The following KANSL3 variants were observed in gnomAD, a reference collection of about 807,000 sequenced individuals.
KANSL3 encodes KAT8 regulatory NSL complex subunit 3, also known as NSL complex protein NSL3.
A neutral mutation model predicts 89.2 loss-of-function variants in KANSL3; 16 were observed. The observed-to-expected ratio is 0.18, with a 90% CI of 0.12 to 0.27. The LOEUF (loss-of-function observed/expected upper bound fraction) is 0.27, where lower values mean the gene tolerates loss of function less well. KANSL3 is among the 10% of genes least tolerant of loss of function. KANSL3 has a pLI of 1.00. For synonymous variants in KANSL3, 385 were observed against 419.7 expected, an observed-to-expected ratio of 0.92 and a Z score of 1.01; for missense variants, 879 against 1,110.6, an observed-to-expected ratio of 0.79 and a Z score of 2.96.
chr2:96,633,486 G>A (rs926411619), intron 2 of KANSL3, among the ~76,000 whole-genome samples: 13 of 151,356 alleles, frequency 8.6e-5, no homozygotes, highest in African/African-American at 1.5e-4. Context: ...GGAGAATGGC[G>A]TGAACCCGGG....
At position 96,604,317 on chromosome 2, in the gene KANSL3, A is replaced by G; in HGVS notation, c.2082T>C (p.Thr694=). 1 of 1,613,482 alleles carries G rather than the reference A, an allele frequency of 6.2e-7. No homozygotes were observed. The highest frequency in any genetic ancestry group is 8.5e-7 in the Non-Finnish European group (1 of 1,179,880). The change falls in exon 17 of 21, where the codon ACT becomes ACC. Residue 694 remains threonine, a synonymous_variant. Transcript: ENST00000431828. ...SPVPSVVSSS[T]APSALHTLQS... ...GCAGTGTGTGCAAGGCACTGGGTGC[A>G]GTGCTGCTGGAGACCACTGAAGGGA...
Position 96,612,960 on chromosome 2 carries a change from A to C in KANSL3, c.796-26T>G, listed in dbSNP as rs1200428363. The C allele has an allele frequency of 6.2e-6, 9 of 1,455,218 alleles. No homozygotes were observed. In the Admixed American group the frequency reaches 1.4e-4, roughly 22 times the overall value. 90.1% of individuals were successfully genotyped at this position (1,455,218 alleles called of 1,614,324 possible). ...CTAAAGAGGAAGAATCCCACCCAAA[A>C]ACCAGTGAGTGAGAAGTGTCCTTTC... On this transcript the variant is annotated intron_variant, in intron 6 of 20. Transcript: ENST00000431828.
At chr2:96,621,673 T>A (rs2071308543) in intron 3 of KANSL3, among the ~76,000 whole-genome samples, 1 of 151,618 alleles carries the variant, frequency 6.6e-6, no homozygotes, top group Non-Finnish European at 1.5e-5. Flanking sequence ...TTAAAAAGTA[T>A]AAACAAGGTC....
Position 96,612,101 on chromosome 2 carries a change from A to T in KANSL3, c.1086+181T>A, listed in dbSNP as rs567929654. On this transcript the variant is annotated intron_variant, in intron 9 of 20. Coordinates refer to ENST00000431828, the MANE Select transcript of KANSL3 (RefSeq NM_001115016.3). ...ACTACACCTGCTTTTGTTTCTGCTT[A>T]AAGTTTTCCAAAATAAATTAAAAAT... 99 of 591,026 alleles carry T rather than the reference A, an allele frequency of 1.7e-4. 1 individual carries two copies. The South Asian group carries it at 2.0e-3, about 12-fold the overall frequency. 36.6% of individuals were successfully genotyped at this position (591,026 alleles called of 1,614,324 possible).
chr2:96,621,146 C>A (rs753130820), intron 3 of KANSL3, among the ~76,000 whole-genome samples: 9 of 152,166 alleles, frequency 5.9e-5, no homozygotes, highest in Admixed American at 2.6e-4. Context: ...AAAAGAAAAT[C>A]TGATCCCTAC....
At chr2:96,610,130 T>C (rs1048582564) in intron 11 of KANSL3, among the ~76,000 whole-genome samples, 1 of 151,998 alleles carries the variant, frequency 6.6e-6, no homozygotes, top group Non-Finnish European at 1.5e-5. Flanking sequence ...CATGAGTCTG[T>C]AAATTACAGT....
rs368954736 is a variant in KANSL3, at chr2:96,619,551, G to A, written c.478-7C>T. ...GCACTGGCTCATTACAAGCCTGAAG[G>A]ATGTAAGTGGAAGTAATAAAACATG... On this transcript the variant is annotated splice_polypyrimidine_tract_variant and splice_region_variant and intron_variant, in intron 4 of 20. Transcript: ENST00000431828. The A allele has an allele frequency of 3.7e-6, 6 of 1,611,960 alleles. No homozygotes were observed. In the African/African-American group the frequency reaches 8.0e-5, roughly 22 times the overall value.
chr2:96,629,718 T>C lies in KANSL3; in HGVS notation c.386+1594A>G, dbSNP rs532218761. Among the ~76,000 whole-genome samples the C allele has an allele frequency of 4.6e-5, 7 of 152,312 alleles. No individual in the cohort carries two copies. In the South Asian group the frequency reaches 1.5e-3, roughly 32 times the overall value. ...TGCTCCTCCCTCAACAGCTGCTGTT[T>C]TGATCACACAAGCACACCTGTTCAA... On this transcript the variant is annotated intron_variant, in intron 3 of 20. Transcript: ENST00000431828.
chr2:96,580,930 T>C, the KANSL3 span, among the ~76,000 whole-genome samples: 117,028 of 152,134 alleles, frequency 0.77, 46,238 homozygotes, highest in African/African-American at 0.94. Context: ...TCAGAACCAG[T>C]GCTGCCACCT....
At chr2:96,581,041 G>A in the KANSL3 span, among the ~76,000 whole-genome samples, 24 of 152,348 alleles carry the variant, frequency 1.6e-4, no homozygotes, top group African/African-American at 5.5e-4. Context: ...CAGACTCTCT[G>A]TTTTGAGTCT....
rs375882966 is a variant in KANSL3, at chr2:96,608,558, T to C, written c.1691A>G (p.Lys564Arg). The C allele has an allele frequency of 8.1e-6, 13 of 1,613,940 alleles. No individual in the cohort carries two copies. Among genetic ancestry groups the C allele is most frequent in the Middle Eastern group, 3.3e-4 (2 of 6,084 alleles). The change falls in exon 14 of 21, where the codon AAG (lysine) becomes AGG (arginine). Residue 564 changes from lysine to arginine, a missense_variant. Physicochemically the swap from Lys to Arg is conservative, Grantham distance 26. This residue lies in a region of KANSL3 where 317 missense variants were observed against 311.2 expected (regional missense o/e 1.02). Transcript: ENST00000431828. ...AGCTTCTGTCCGCTGCACATGTCTC[T>C]TCAGCAGCTGAGAACTTCCAATCTG... The part of the protein sequence containing the change: ...SSQIGSSQLL[K>R]RHVQRTEAVL...
At chr2:96,617,937 C>T (rs1036059417) in intron 5 of KANSL3, among the ~76,000 whole-genome samples, 8 of 148,376 alleles carry the variant, frequency 5.4e-5, no homozygotes, top group Non-Finnish European at 8.9e-5. Flanking sequence ...GAGCCGAGAT[C>T]GTGCCACTGC....
chr2:96,610,614 TA>T, intron 11 of KANSL3, 111 bp downstream of exon 11: 1 of 1,285,560 alleles, frequency 7.8e-7, no homozygotes, highest in Non-Finnish European at 1.1e-6. Flanking sequence ...CGCGCCCGGC[TA>T]ATGCTGTCTT....
chr2:96,601,849 A>G, intron 19 of KANSL3, 73 bp from the exon 20 acceptor site: 2 of 1,475,908 alleles, frequency 1.4e-6, no homozygotes, highest in Non-Finnish European at 1.8e-6. Flanking sequence ...CCTTTCCTGG[A>G]GAGCTTCTCC....
intron 11 of KANSL3, 95 bp downstream of exon 11, chr2:96,610,631 T>C: frequency 2.1e-6 from 3 of 1,442,650 alleles, no homozygotes; most frequent in South Asian, 2.5e-5. Context: ...GTCTTTTAAC[T>C]GAACCAGACT....
At chr2:96,608,316 AG>A (rs1160859303) in intron 14 of KANSL3, among the ~76,000 whole-genome samples, 191 bp downstream of exon 14, 9 of 152,232 alleles carry the variant, frequency 5.9e-5, no homozygotes, top group African/African-American at 2.2e-4. Context: ...GTGATCACAA[AG>A]CCCCACTAAC....
chr2:96,636,650 G>T, intron 2 of KANSL3: 1 of 373,034 alleles, frequency 2.7e-6, no homozygotes, highest in Non-Finnish European at 4.8e-6. Context: ...AACCCTCTAC[G>T]ATTTTCCCCT....
chr2:96,615,171 A>C (rs2069794885), intron 5 of KANSL3: 1 of 149,838 alleles, frequency 6.7e-6, no homozygotes, highest in Non-Finnish European at 1.5e-5. Context: ...GTCTCAAAAA[A>C]AAAAAAAAAA....
rs2067732454 is a variant in KANSL3 at position 96,604,835 on chromosome 2, T to C, written c.1962A>G (p.Thr654=). Reference sequence around the variant, plus strand: ...TGGCCCCTGCTGAAGCCTGCCCCAGTGTCATGGTGATGGGCTTCCCACCTG... The same window carrying C: ...TGGCCCCTGCTGAAGCCTGCCCCAGCGTCATGGTGATGGGCTTCCCACCTG... ...EAAGGKPITM[T]LGQASAGAKE... is the part of the protein sequence containing the mutation. Residue 654 remains threonine (T), a synonymous_variant, in exon 16 of 21, where the codon ACA becomes ACG. Coordinates refer to ENST00000431828, the MANE Select transcript of KANSL3 (RefSeq NM_001115016.3). 5 of 1,598,822 alleles carry C rather than the reference T, an allele frequency of 3.1e-6. No individual in the cohort carries two copies. The South Asian group carries it at 5.7e-5, about 18-fold the overall frequency.
Sources: allele counts gnomAD v4.1 joint callset (sites outside exome capture counted in the v4.1 genomes callset), GRCh38; gene constraint gnomAD v4.1.1; regional missense constraint gnomAD v4.1.1; transcripts MANE v1.5; gene names NCBI Gene and HGNC (gene_info 2026-07-23, HGNC 2026-07-21).